The following NF1 variants were observed in gnomAD, a reference collection of about 807,000 sequenced individuals.
The protein encoded by NF1 is neurofibromin.
Under a neutral mutation model 325.7 loss-of-function variants are expected in NF1, and 122 were observed. That is an observed-to-expected ratio of 0.37 (90% CI 0.32 to 0.44). The LOEUF is 0.44. Among genes scored for constraint, NF1 ranks in the 20% least tolerant of loss-of-function variants. The pLI, the probability that NF1 is intolerant of heterozygous loss-of-function variation, is 1.00. For synonymous variants in NF1, 1,091 were observed against 1,186.0 expected (o/e 0.92, Z 1.65); for missense variants, 2,140 against 3,415.4 (o/e 0.63, Z 9.31).
At chr17:31,117,234 G>C (rs1353993418) in intron 1 of NF1, among the ~76,000 whole-genome samples, 6 of 152,124 alleles carry the variant, frequency 3.9e-5, no homozygotes, top group Non-Finnish European at 2.9e-5. Flanking sequence ...TCCTGCCTCA[G>C]CCTCCCAGAG....
At chr17:31,226,006 A>G (rs2067005767) in intron 17 of NF1, among the ~76,000 whole-genome samples, 1 of 152,046 alleles carries the variant, frequency 6.6e-6, no homozygotes, top group African/African-American at 2.4e-5. Context: ...TACTTATTTT[A>G]TTACTTCCCT....
intron 40 of NF1, 43 bp downstream of exon 40, chr17:31,335,074 C>A (rs2151550919): frequency 6.5e-7 from 1 of 1,533,280 alleles, no homozygotes; most frequent in East Asian, 2.3e-5. Flanking sequence ...CTCCTTTGTG[C>A]ACATATTTAT....
rs73273562 is a variant in NF1, at chr17:31,184,044, T to C, written c.888+1379T>C. Among the ~76,000 whole-genome samples, 1,194 of 152,292 alleles carry C rather than the reference T, an allele frequency of 7.8e-3. 21 individuals are homozygous for C. The highest frequency in any genetic ancestry group is 0.028 in the African/African-American group (1,144 of 41,560). On this transcript the variant is annotated intron_variant, in intron 8 of 57. Coordinates refer to ENST00000358273, the MANE Select transcript of NF1 (RefSeq NM_001042492.3). The stretch of plus-strand genomic sequence containing the variant: ...GATTTTGGTACAAGGAGTGTGGTTC[T>C]AGAGGAACGGAGTATTAAGGATGGA...
intron 14 of NF1, among the ~76,000 whole-genome samples, chr17:31,220,852 G>A (rs572537632): frequency 3.3e-5 from 5 of 152,142 alleles, no homozygotes; most frequent in South Asian, 2.1e-4. Context: ...ATTGTACCAC[G>A]TTTTTGTACA....
At position 31,304,387 on chromosome 17, in the gene NF1, A is replaced by G. The variant is rs564846325; in HGVS notation, c.4836-21433A>G. ...ATCTTCTTGGTTTTTCATAAAATCT[A>G]CTGGTGGCAGGGGCAAGTTAAGTGA... On this transcript the variant is annotated intron_variant, in intron 36 of 57. Coordinates refer to ENST00000358273, the MANE Select transcript of NF1 (RefSeq NM_001042492.3). The G allele has an allele frequency of 3.4e-5, 55 of 1,614,130 alleles. No individual in the cohort carries two copies. In the South Asian group the frequency reaches 5.3e-4, roughly 15 times the overall value.
At chr17:31,321,845 A>T (rs2069203075) in intron 36 of NF1, 1 of 152,098 alleles carries the variant, frequency 6.6e-6, no homozygotes, top group South Asian at 2.1e-4. Context: ...CAGTATGCTC[A>T]TTCTATAGGC....
At chr17:31,186,558 T>C (rs369322642) in intron 8 of NF1, among the ~76,000 whole-genome samples, 1 of 152,084 alleles carries the variant, frequency 6.6e-6, no homozygotes, top group African/African-American at 2.4e-5. Context: ...AGAAGCATGA[T>C]TGGAAAATTG....
rs1555617383 is a variant in NF1, at chr17:31,249,120, G to A, written c.4110+1G>A. ...AAGTGTGTGCCACTGTTTATACCAGGTATGCTTACAGTTAGAGATTACCAT... is the reference window on the plus strand; with the variant it reads ...AAGTGTGTGCCACTGTTTATACCAGATATGCTTACAGTTAGAGATTACCAT... On this transcript the variant is annotated splice_donor_variant, in intron 30 of 57. Transcript: ENST00000358273. LOFTEE classifies it high-confidence loss of function. 1 of 1,613,808 alleles carries A rather than the reference G, an allele frequency of 6.2e-7. No individual in the cohort carries two copies. The highest frequency in any genetic ancestry group is 1.7e-5 in the Admixed American group (1 of 60,006).
rs1273017192 is a variant in NF1 at position 31,343,792 on chromosome 17, C to T, written c.7189+657C>T. Among the ~76,000 whole-genome samples, 3 of 151,962 alleles carry T rather than the reference C, an allele frequency of 2.0e-5. No homozygotes were observed. In the East Asian group the frequency reaches 5.8e-4, roughly 30 times the overall value. ...GCAATATGGTGAAACCCCCTTTCTACAAAAAATAAAAACATTAGCCAGGTG... is the reference window on the plus strand; with the variant it reads ...GCAATATGGTGAAACCCCCTTTCTATAAAAAATAAAAACATTAGCCAGGTG... On this transcript the variant is annotated intron_variant, in intron 48 of 57. Coordinates refer to ENST00000358273, the MANE Select transcript of NF1 (RefSeq NM_001042492.3).
chr17:31,252,483 T>C (rs2067511662), intron 30 of NF1: 1 of 201,240 alleles, frequency 5.0e-6, no homozygotes, highest in South Asian at 1.9e-4. Flanking sequence ...AAATGCCAGG[T>C]GTTGGAAAAA....
chr17:31,215,773 T>C (rs2066809517), intron 13 of NF1, among the ~76,000 whole-genome samples: 1 of 152,250 alleles, frequency 6.6e-6, no homozygotes, highest in Non-Finnish European at 1.5e-5. Flanking sequence ...GCTCAGTAAC[T>C]GGCTTTTTAA....
intron 31 of NF1, among the ~76,000 whole-genome samples, chr17:31,255,789 A>G (rs1457705602): frequency 6.6e-6 from 1 of 152,186 alleles, no homozygotes; most frequent in Non-Finnish European, 1.5e-5. Flanking sequence ...GCTACTTTCA[A>G]AGAAGTATTT....
intron 31 of NF1, chr17:31,254,349 C>G (rs2067546385): frequency 6.6e-6 from 1 of 150,396 alleles, no homozygotes; most frequent in Admixed American, 6.6e-5. Flanking sequence ...ATTATCTAAG[C>G]TTTAAATATA....
chr17:31,353,201 G>T (rs2070195675), intron 51 of NF1, among the ~76,000 whole-genome samples: 1 of 152,130 alleles, frequency 6.6e-6, no homozygotes, highest in Non-Finnish European at 1.5e-5. Flanking sequence ...GAGCCACCAT[G>T]CCCGGCCGGA....
intron 14 of NF1, among the ~76,000 whole-genome samples, chr17:31,220,668 T>C (rs979576115): frequency 5.3e-5 from 8 of 152,070 alleles, no homozygotes; most frequent in African/African-American, 1.9e-4. Context: ...GTCAAGTGAG[T>C]ATACTGCATT....
At chr17:31,220,619 CTT>C (rs1441867002) in intron 14 of NF1, among the ~76,000 whole-genome samples, 1 of 151,986 alleles carries the variant, frequency 6.6e-6, no homozygotes, top group Non-Finnish European at 1.5e-5. Flanking sequence ...TTTATTAAAA[CTT>C]ATATAGATCA....
chr17:31,136,598 T>TA (rs1267883099), intron 1 of NF1: 1 of 152,254 alleles, frequency 6.6e-6, no homozygotes, highest in Admixed American at 6.5e-5. Context: ...CTGTGTATGG[T>TA]ACCTGCCTGT....
At chr17:31,294,830 G>T in intron 36 of NF1, 1 of 729,646 alleles carries the variant, frequency 1.4e-6, no homozygotes, top group Non-Finnish European at 2.3e-6. Context: ...CAAGTACCAA[G>T]ACATTGTGCA....
intron 1 of NF1, among the ~76,000 whole-genome samples, chr17:31,121,395 CTTTTTTTTTT>C (rs71142019): frequency 7.6e-5 from 7 of 92,528 alleles, no homozygotes; most frequent in African/African-American, 1.3e-4. Flanking sequence ...AATCACTATT[CTTTTTTTTTT>C]TTTTTTTTTT....
Sources: allele counts gnomAD v4.1 joint callset (sites outside exome capture counted in the v4.1 genomes callset), GRCh38; gene constraint gnomAD v4.1.1; transcripts MANE v1.5; gene names NCBI Gene and HGNC (gene_info 2026-07-23, HGNC 2026-07-21).